Variants in TBX19 observed in about 807,000 individuals in gnomAD.
TBX19 encodes T-box transcription factor 19, also known as T-box transcription factor TBX19.
TBX19 carries 33 observed loss-of-function variants against 40.9 expected under a neutral mutation model. The observed-to-expected ratio is 0.81, with a 90% CI of 0.61 to 1.08. The LOEUF (loss-of-function observed/expected upper bound fraction) is 1.08. Ranked by LOEUF, TBX19 falls within the 50% of genes least tolerant of loss-of-function variation. The pLI is 0.00. For missense variants in TBX19, 494 were observed against 574.0 expected (o/e 0.86, Z 1.42); for synonymous variants, 220 against 225.0 (o/e 0.98, Z 0.20).
chr1:168,288,911 C>T (rs1044924007), intron 1 of TBX19, among the ~76,000 whole-genome samples: 2 of 152,156 alleles, frequency 1.3e-5, no homozygotes, highest in Non-Finnish European at 2.9e-5. Context: ...CAGGTGTGCA[C>T]CACCATGCCT....
intron 6 of TBX19, among the ~76,000 whole-genome samples, chr1:168,307,258 A>G (rs1649424237): frequency 6.6e-6 from 1 of 152,170 alleles, no homozygotes; most frequent in Admixed American, 6.5e-5. Context: ...GAGATTGGGT[A>G]ATTTATAAGC....
At chr1:168,298,364 A>G (rs1237327716) in intron 4 of TBX19, among the ~76,000 whole-genome samples, 1 of 152,184 alleles carries the variant, frequency 6.6e-6, no homozygotes, top group Non-Finnish European at 1.5e-5. Context: ...GCACAATCAC[A>G]TTAAAAAAAT....
intron 1 of TBX19, among the ~76,000 whole-genome samples, chr1:168,289,161 C>T (rs1044476241): frequency 3.3e-5 from 5 of 152,196 alleles, no homozygotes; most frequent in Admixed American, 3.3e-4. Context: ...TCCTGGCTGT[C>T]AGAATAACCC....
intron 1 of TBX19, among the ~76,000 whole-genome samples, chr1:168,289,265 G>A (rs1221725468): frequency 6.6e-6 from 1 of 151,998 alleles, no homozygotes; most frequent in Non-Finnish European, 1.5e-5. Flanking sequence ...TCTACACTTG[G>A]CCAATATTAT....
At chr1:168,303,831 G>C (rs1649339877) in intron 5 of TBX19, among the ~76,000 whole-genome samples, 1 of 152,154 alleles carries the variant, frequency 6.6e-6, no homozygotes, top group Non-Finnish European at 1.5e-5. Context: ...AAACTATCAT[G>C]GTGCTTGTTG....
intron 1 of TBX19, among the ~76,000 whole-genome samples, chr1:168,284,174 T>C (rs919368136): frequency 6.6e-6 from 1 of 152,090 alleles, no homozygotes; most frequent in African/African-American, 2.4e-5. Flanking sequence ...CTTTTCTTCC[T>C]CCCTCTCTTT....
At chr1:168,286,053 G>A (rs34925484) in intron 1 of TBX19, among the ~76,000 whole-genome samples, 9,835 of 152,110 alleles carry the variant, frequency 0.065, 432 homozygotes, top group Admixed American at 0.13. Context: ...ATTAAAATAG[G>A]GAATGGATTA....
At chr1:168,309,601 C>G (rs1649478588) in intron 7 of TBX19, among the ~76,000 whole-genome samples, 1 of 152,146 alleles carries the variant, frequency 6.6e-6, no homozygotes, top group South Asian at 2.1e-4. Context: ...GGATGCCTGG[C>G]CTCACGACCC....
In TBX19 at chr1:168,312,778, G is replaced by C. The variant is rs76536877; in HGVS notation, c.1123G>C (p.Ala375Pro). ...CAGTGGGCCAGGCCCGGAGGTGCAC[G>C]CCAGCACCCCAGGAGCATTTCTCCT... ...GPSGPGPEVHASTPGAFLLGN... is the reference protein window; with the variant it reads ...GPSGPGPEVHPSTPGAFLLGN... The change falls in exon 8 of 8, where the codon GCC becomes CCC. Residue 375 changes from alanine to proline, a missense_variant. This residue lies in a region of TBX19 where 284 missense variants were observed against 307.3 expected (regional missense o/e 0.92). Transcript: ENST00000367821. The C allele has an allele frequency of 6.2e-7, 1 of 1,614,090 alleles. No homozygotes were observed. Among genetic ancestry groups the C allele is most frequent in the African/African-American group, 1.3e-5 (1 of 74,948 alleles).
At chr1:168,312,380 T>A (rs1203841395) in intron 7 of TBX19, among the ~76,000 whole-genome samples, 1 of 152,230 alleles carries the variant, frequency 6.6e-6, no homozygotes, top group South Asian at 2.1e-4. Flanking sequence ...ACAGTTTTAA[T>A]ACCTTTTTTT....
chr1:168,295,153 C>T (rs913931628), intron 3 of TBX19, among the ~76,000 whole-genome samples: 2 of 151,972 alleles, frequency 1.3e-5, no homozygotes, highest in Admixed American at 6.5e-5. Flanking sequence ...TAGCTGGGTG[C>T]AGTGGCGGGT....
chr1:168,308,745 A>G lies in TBX19; in HGVS notation c.920A>G (p.Asn307Ser). Residue 307 changes from asparagine to serine, a missense_variant, in exon 7 of 8, where the codon AAT becomes AGT. By Grantham distance (46) the Asn-to-Ser change is conservative. Coordinates refer to ENST00000367821, the MANE Select transcript of TBX19 (RefSeq NM_005149.3). Reference protein sequence around the residue: ...YMHRNHSPSVNLIESSSNNLQ... With the variant: ...YMHRNHSPSVSLIESSSNNLQ... ...CAACTGTTGTTATTTCCCCAAGTGA[A>G]TTTGATAGAAAGCTCAAGCAATAAT... is the stretch of plus-strand genomic sequence containing the variant. The G allele has an allele frequency of 6.2e-7, 1 of 1,614,116 alleles. No homozygotes were observed. Among genetic ancestry groups the G allele is most frequent in the Non-Finnish European group, 8.5e-7 (1 of 1,180,014 alleles).
intron 1 of TBX19, 133 bp downstream of exon 1, chr1:168,281,426 T>C: frequency 1.2e-6 from 1 of 815,860 alleles, no homozygotes; most frequent in Non-Finnish European, 2.1e-6. Context: ...CAGGAACGAC[T>C]GTCTCCAATG....
chr1:168,313,006 G>A lies in TBX19; in HGVS notation c.*4G>A. ...TCCTTCCTCACTGGATGGTTAAGCA[G>A]GATCCTAGGAGCCTCTTTGCACAGC... is the stretch of plus-strand genomic sequence containing the variant. On this transcript the variant is annotated 3_prime_UTR_variant, in exon 8 of 8. Transcript: ENST00000367821. The A allele has an allele frequency of 6.2e-7, 1 of 1,614,040 alleles. No individual in the cohort carries two copies. The highest frequency in any genetic ancestry group is 8.5e-7 in the Non-Finnish European group (1 of 1,179,990).
chr1:168,291,113 T>G, intron 1 of TBX19, 47 bp from the exon 2 acceptor site: 4 of 1,612,828 alleles, frequency 2.5e-6, no homozygotes, highest in Non-Finnish European at 3.4e-6. Flanking sequence ...AAGGTGAGAG[T>G]TCCTCTAACG....
chr1:168,291,281 G>A lies in TBX19; in HGVS notation c.325G>A (p.Val109Met), dbSNP rs1388838021. 6.2e-7 allele frequency: 1 copy of A among 1,614,196 alleles called. No homozygotes were observed. Among genetic ancestry groups the A allele is most frequent in the South Asian group, 1.1e-5 (1 of 91,078 alleles). Reference protein sequence around the residue: ...HRWKYVNGEWVPAGKPEVSSH... With the variant: ...HRWKYVNGEWMPAGKPEVSSH... ...CTGGAAGTACGTCAACGGGGAATGG[G>A]TGCCCGCTGGCAAGCCAGAGGTCTC... Residue 109 changes from valine to methionine, a missense_variant, in exon 2 of 8, where the codon GTG becomes ATG. By Grantham distance (21) the Val-to-Met change is conservative. Transcript: ENST00000367821.
chr1:168,291,479 A>G (rs770446740), intron 2 of TBX19, 55 bp downstream of exon 2: 350 of 1,611,268 alleles, frequency 2.2e-4, no homozygotes, highest in Non-Finnish European at 2.9e-4. Context: ...CACAACACCA[A>G]TCAAGAAATA....
At chr1:168,311,575 C>T (rs1401950479) in intron 7 of TBX19, among the ~76,000 whole-genome samples, 3 of 152,162 alleles carry the variant, frequency 2.0e-5, no homozygotes, top group Admixed American at 1.3e-4. Context: ...ATGGCATTGC[C>T]AACTCTGGCT....
intron 6 of TBX19, chr1:168,308,530 G>A: frequency 1.7e-6 from 1 of 601,114 alleles, no homozygotes; most frequent in Non-Finnish European, 2.9e-6. Flanking sequence ...TCACTGGTGT[G>A]AAGATTAAAC....
Sources: gnomAD v4.1 joint callset for allele counts (sites outside exome capture counted in the v4.1 genomes callset) on GRCh38, gnomAD v4.1.1 for gene constraint, gnomAD v4.1.1 regional missense constraint, MANE v1.5 for transcripts, NCBI Gene and HGNC (gene_info 2026-07-23, HGNC 2026-07-21) for gene names.